Variants in STK38L observed in about 807,000 individuals in gnomAD.
STK38L encodes serine/threonine kinase 38 like.
STK38L carries 28 observed loss-of-function variants against 59.7 expected under a neutral mutation model. That is an observed-to-expected ratio of 0.47 (90% CI 0.35 to 0.64). The LOEUF (loss-of-function observed/expected upper bound fraction) is 0.64. Ranked by LOEUF, STK38L falls within the 30% of genes least tolerant of loss-of-function variation. The pLI, the probability that STK38L is intolerant of heterozygous loss-of-function variation, is 0.01. For missense variants in STK38L, 314 were observed against 555.8 expected, an observed-to-expected ratio of 0.56 and a Z score of 4.37; for synonymous variants, 162 against 176.8, an observed-to-expected ratio of 0.92 and a Z score of 0.66.
intron 1 of STK38L, among the ~76,000 whole-genome samples, chr12:27,296,733 A>G (rs1368154520): frequency 6.6e-6 from 1 of 152,226 alleles, no homozygotes; most frequent in Non-Finnish European, 1.5e-5. Flanking sequence ...GAACTCTTCT[A>G]GTCTTTTTAT....
At position 27,293,556 on chromosome 12, in the gene STK38L, T is replaced by G. The variant is rs545296517; in HGVS notation, c.-11-4154T>G. On this transcript the variant is annotated intron_variant, in intron 1 of 13. Coordinates refer to ENST00000389032, the MANE Select transcript of STK38L (RefSeq NM_015000.4). The stretch of plus-strand genomic sequence containing the variant: ...TTTTGTGAACTTTGTTAGGATAAAG[T>G]GACTTCCAGAATTTGATTGCCCTGA... 8 of 152,394 alleles carry G rather than the reference T, an allele frequency of 5.2e-5. No individual in the cohort carries two copies. The East Asian group carries it at 1.5e-3, about 29-fold the overall frequency. The allele number at this position is 152,394 out of a possible 1,614,324, so 9.4% of individuals were successfully genotyped here.
chr12:27,248,664 C>T (rs941375825), intron 1 of STK38L, among the ~76,000 whole-genome samples: 1 of 152,120 alleles, frequency 6.6e-6, no homozygotes, highest in Non-Finnish European at 1.5e-5. Context: ...GAGTCATAGT[C>T]TCTGTGAACG....
intron 1 of STK38L, among the ~76,000 whole-genome samples, chr12:27,266,378 A>G (rs1943301370): frequency 1.3e-5 from 2 of 152,204 alleles, no homozygotes; most frequent in South Asian, 2.1e-4. Flanking sequence ...AAACTTTTTA[A>G]TGGAGCGATC....
chr12:27,315,293 T>G lies in STK38L; in HGVS notation c.780T>G (p.Phe260Leu), dbSNP rs1456745082. ...LTHNPPSDFS[F>L]QNMNSKRKAE... is the part of the protein sequence containing the mutation. ...ATTCCATATTGTTGAAATTAGCATT[T>G]CAGAACATGAACTCAAAGAGGAAAG... Residue 260 changes from phenylalanine to leucine, a missense_variant, in exon 9 of 14, where the codon TTT becomes TTG. Phe to Leu is a conservative substitution (Grantham distance 22, BLOSUM62 0). Around this residue, in one of 3 missense-constraint regions of STK38L, gnomAD observed 192 missense variants for 316.9 expected, o/e 0.61. Coordinates refer to ENST00000389032, the MANE Select transcript of STK38L (RefSeq NM_015000.4). 6.2e-7 allele frequency: 1 copy of G among 1,613,806 alleles called. No individual in the cohort carries two copies. The highest frequency in any genetic ancestry group is 8.5e-7 in the Non-Finnish European group (1 of 1,179,854).
chr12:27,313,583 A>G (rs536784619), intron 6 of STK38L, among the ~76,000 whole-genome samples: 2 of 152,060 alleles, frequency 1.3e-5, no homozygotes, highest in African/African-American at 4.8e-5. Context: ...GGGTTTCACC[A>G]TGTTGGTCAG....
At chr12:27,271,026 A>G (rs553936457) in intron 1 of STK38L, among the ~76,000 whole-genome samples, 1 of 152,358 alleles carries the variant, frequency 6.6e-6, no homozygotes, top group East Asian at 1.9e-4. Flanking sequence ...GATAATGATA[A>G]TGATAATTTC....
rs1167645624 is a variant in STK38L at position 27,281,067 on chromosome 12, G to GT, written c.-11-16607dup. Among the ~76,000 whole-genome samples the GT allele has an allele frequency of 3.0e-3, 35 of 11,552 alleles. 13 individuals carry two copies. Among genetic ancestry groups the GT allele is most frequent in the East Asian group, 9.2e-3 (7 of 762 alleles). 7.6% of individuals were successfully genotyped at this position (11,552 alleles called of 152,430 possible). ...CAGATTTATTTTTGGCTTTAGCTTT[G>GT]TTTTTTTTTTTTTTTTTTTTTTTTT... On this transcript the variant is annotated intron_variant, in intron 1 of 13. Coordinates refer to ENST00000389032, the MANE Select transcript of STK38L (RefSeq NM_015000.4).
intron 1 of STK38L, among the ~76,000 whole-genome samples, chr12:27,264,532 A>G (rs1364013721): frequency 6.6e-6 from 1 of 152,236 alleles, no homozygotes; most frequent in Non-Finnish European, 1.5e-5. Context: ...TTGACTCTCC[A>G]TATTCATGGG....
intron 1 of STK38L, among the ~76,000 whole-genome samples, chr12:27,246,115 A>G (rs1481249328): frequency 6.6e-6 from 1 of 152,368 alleles, no homozygotes; most frequent in East Asian, 1.9e-4. Flanking sequence ...TTTTATGCTG[A>G]AAACTTGATT....
intron 1 of STK38L, among the ~76,000 whole-genome samples, chr12:27,253,267 T>G (rs1216161505): frequency 6.6e-6 from 1 of 152,230 alleles, no homozygotes; most frequent in Non-Finnish European, 1.5e-5. Flanking sequence ...TCACCACCTG[T>G]TCAACTTGGT....
At chr12:27,263,228 A>G (rs1294983593) in intron 1 of STK38L, among the ~76,000 whole-genome samples, 4 of 152,230 alleles carry the variant, frequency 2.6e-5, no homozygotes, top group African/African-American at 9.6e-5. Flanking sequence ...GACTATGCAT[A>G]TGAAAATATT....
chr12:27,272,909 T>C (rs577165695), intron 1 of STK38L, among the ~76,000 whole-genome samples: 2 of 152,254 alleles, frequency 1.3e-5, no homozygotes, highest in African/African-American at 4.8e-5. Context: ...ACTGAAAACT[T>C]TGGCAGTTAA....
At chr12:27,280,902 G>A (rs1943640209) in intron 1 of STK38L, among the ~76,000 whole-genome samples, 1 of 152,208 alleles carries the variant, frequency 6.6e-6, no homozygotes, top group South Asian at 2.1e-4. Context: ...CCTTGTCTTT[G>A]TTAGAAGGTT....
At chr12:27,293,477 C>T (rs1229761172) in intron 1 of STK38L, among the ~76,000 whole-genome samples, 3 of 152,240 alleles carry the variant, frequency 2.0e-5, no homozygotes, top group Non-Finnish European at 2.9e-5. Flanking sequence ...TTTCTTGTTA[C>T]TCAGTGTCTT....
In STK38L at chr12:27,323,804, T is replaced by G. The variant is rs1319752199; in HGVS notation, c.*1349T>G. 6.6e-6 allele frequency: 1 copy of G among 152,170 alleles called. No homozygotes were observed. 9.4% of individuals were successfully genotyped at this position (152,170 alleles called of 1,614,324 possible). A position where few individuals can be genotyped will look rare whatever the true frequency, so the allele number is the denominator to read the frequency against. Reference sequence around the variant, plus strand: ...GTATCTCTCTAAGAATTAAATAATCTTTTCTAGCTTAATATTTTAATTCTA... The same window carrying G: ...GTATCTCTCTAAGAATTAAATAATCGTTTCTAGCTTAATATTTTAATTCTA... On this transcript the variant is annotated 3_prime_UTR_variant, in exon 14 of 14. Transcript: ENST00000389032.
intron 1 of STK38L, among the ~76,000 whole-genome samples, chr12:27,290,415 T>C (rs1247170784): frequency 6.6e-6 from 1 of 152,244 alleles, no homozygotes; most frequent in African/African-American, 2.4e-5. Context: ...TTTAGAAATG[T>C]GGATCCTGAC....
intron 1 of STK38L, among the ~76,000 whole-genome samples, chr12:27,260,498 C>G (rs1195740298): frequency 6.6e-6 from 1 of 152,156 alleles, no homozygotes; most frequent in East Asian, 1.9e-4. Context: ...CGGGGTTTTA[C>G]ACGTTCTTGC....
intron 1 of STK38L, among the ~76,000 whole-genome samples, chr12:27,282,001 A>C (rs1396970387): frequency 6.6e-6 from 1 of 152,168 alleles, no homozygotes; most frequent in East Asian, 1.9e-4. Flanking sequence ...ACGCCATTGC[A>C]CTCCAGCCTG....
chr12:27,309,095 T>C lies in STK38L; in HGVS notation c.310-19T>C, dbSNP rs771606091. The C allele has an allele frequency of 3.2e-6, 5 of 1,545,634 alleles. No individual in the cohort carries two copies. Among genetic ancestry groups the C allele is most frequent in the African/African-American group, 1.4e-5 (1 of 72,576 alleles). On this transcript the variant is annotated intron_variant, in intron 4 of 13. Coordinates refer to ENST00000389032, the MANE Select transcript of STK38L (RefSeq NM_015000.4). Reference sequence around the variant, plus strand: ...AAATAGTAGTGACTGTTTTATAATATATGTTTTTTATCTTTTAGGTGCGGT... The same window carrying C: ...AAATAGTAGTGACTGTTTTATAATACATGTTTTTTATCTTTTAGGTGCGGT...
Sources: allele counts gnomAD v4.1 joint callset (sites outside exome capture counted in the v4.1 genomes callset), GRCh38; gene constraint gnomAD v4.1.1; regional missense constraint gnomAD v4.1.1; transcripts MANE v1.5; gene names NCBI Gene and HGNC (gene_info 2026-07-23, HGNC 2026-07-21).